ASIC2: variants seen among roughly 807,000 people sequenced by gnomAD.
ASIC2 encodes acid sensing ion channel subunit 2.
Under a neutral mutation model 57.3 loss-of-function variants are expected in ASIC2, and 25 were observed. The observed-to-expected ratio is 0.44, with a 90% CI of 0.32 to 0.61. ASIC2 has a LOEUF of 0.61. ASIC2 is among the 20% of genes least tolerant of loss of function. The pLI is 0.06. For synonymous variants in ASIC2, 319 were observed against 307.5 expected, an observed-to-expected ratio of 1.04 and a Z score of -0.39; for missense variants, 641 against 738.1, an observed-to-expected ratio of 0.87 and a Z score of 1.52.
chr17:33,584,686 G>T (rs1395913563), intron 1 of ASIC2, among the ~76,000 whole-genome samples: 1 of 111,116 alleles, frequency 9.0e-6, no homozygotes, highest in Non-Finnish European at 1.8e-5. Context: ...ATCTAAGTCA[G>T]ATCTTGGGGT....
intron 1 of ASIC2, among the ~76,000 whole-genome samples, chr17:33,819,812 C>T (rs1443273866): frequency 6.6e-6 from 1 of 152,178 alleles, no homozygotes; most frequent in African/African-American, 2.4e-5. Context: ...CACAATGACA[C>T]AGAACAGAAA....
chr17:33,799,134 A>T (rs1912004514), intron 1 of ASIC2, among the ~76,000 whole-genome samples: 1 of 152,152 alleles, frequency 6.6e-6, no homozygotes, highest in African/African-American at 2.4e-5. Flanking sequence ...CTTCTTTGTA[A>T]GTGGACTTGT....
At chr17:33,039,128 T>C (rs1408043799) in intron 3 of ASIC2, among the ~76,000 whole-genome samples, 2 of 152,184 alleles carry the variant, frequency 1.3e-5, no homozygotes, top group African/African-American at 4.8e-5. Context: ...CAGGGAGAGA[T>C]ATCCACCTGG....
At chr17:33,623,814 C>T (rs1307022126) in intron 1 of ASIC2, among the ~76,000 whole-genome samples, 1 of 151,996 alleles carries the variant, frequency 6.6e-6, no homozygotes, top group Admixed American at 6.6e-5. Flanking sequence ...AACTGAGGCT[C>T]ACAATCCTAG....
At chr17:33,900,762 G>A (rs1290791702) in intron 1 of ASIC2, among the ~76,000 whole-genome samples, 1 of 152,186 alleles carries the variant, frequency 6.6e-6, no homozygotes, top group Non-Finnish European at 1.5e-5. Context: ...GGGTATCTAG[G>A]GAAGAGGGTG....
intron 1 of ASIC2, among the ~76,000 whole-genome samples, chr17:33,535,309 G>T (rs1244593301): frequency 2.0e-5 from 3 of 148,822 alleles, no homozygotes; most frequent in African/African-American, 7.4e-5. Flanking sequence ...GTATCACTCA[G>T]TCGCCCAGGC....
intron 1 of ASIC2, among the ~76,000 whole-genome samples, chr17:33,882,837 T>A (rs1189893081): frequency 6.6e-6 from 1 of 152,126 alleles, no homozygotes; most frequent in Non-Finnish European, 1.5e-5. Context: ...CTATTCACAA[T>A]AGCAAAGACT....
At chr17:33,495,789 C>T (rs1222192728) in intron 1 of ASIC2, among the ~76,000 whole-genome samples, 1 of 152,142 alleles carries the variant, frequency 6.6e-6, no homozygotes, top group African/African-American at 2.4e-5. Flanking sequence ...GGAGCCAGGC[C>T]AGTGTAGAGA....
chr17:33,415,634 G>A (rs1910816999), intron 1 of ASIC2, among the ~76,000 whole-genome samples: 1 of 152,016 alleles, frequency 6.6e-6, no homozygotes. Context: ...AACATCCGGG[G>A]CCTCATATTA....
At chr17:33,810,874 T>TATACAC (rs1555563398) in intron 1 of ASIC2, among the ~76,000 whole-genome samples, 1 of 149,896 alleles carries the variant, frequency 6.7e-6, no homozygotes, top group Non-Finnish European at 1.5e-5. Flanking sequence ...CACACACACA[T>TATACAC]ACACACACAC....
Position 33,477,160 on chromosome 17 carries a change from T to G in ASIC2, c.556-365093A>C, listed in dbSNP as rs527267429. On this transcript the variant is annotated intron_variant, in intron 1 of 9. Coordinates refer to the ASIC2 transcript ENST00000359872. ...CTCCTTATTGAAGGACATTTAAACT[T>G]AAACATATATATACTCAGAATTGCT... 1.3e-4 allele frequency among the ~76,000 whole-genome samples: 20 copies of G among 152,288 alleles called. No individual in the cohort carries two copies. In the South Asian group the frequency reaches 3.1e-3, roughly 24 times the overall value.
At chr17:33,298,024 T>C (rs1003314906), upstream of ASIC2, among the ~76,000 whole-genome samples, 281 of 147,986 alleles carry the variant, frequency 1.9e-3, 3 homozygotes, top group African/African-American at 6.6e-3. Context: ...CCCTCTCCCC[T>C]CCTGTCTTTC....
chr17:33,576,989 T>C (rs1420523589), intron 1 of ASIC2, among the ~76,000 whole-genome samples: 3 of 152,260 alleles, frequency 2.0e-5, no homozygotes, highest in Non-Finnish European at 4.4e-5. Flanking sequence ...ACATATAGTA[T>C]GTTCTCATTA....
intron 1 of ASIC2, chr17:34,005,157 C>G (rs1395598276): frequency 6.6e-6 from 1 of 151,968 alleles, no homozygotes; most frequent in African/African-American, 2.4e-5. Flanking sequence ...TTCCAACATC[C>G]TTTACCTAAC....
At chr17:33,380,268 A>AAAAT (rs1909438523) in intron 1 of ASIC2, among the ~76,000 whole-genome samples, 1 of 137,838 alleles carries the variant, frequency 7.3e-6, no homozygotes, top group Non-Finnish European at 1.6e-5. Context: ...AAAAAAAAAA[A>AAAAT]GAAAGAAAGA....
At chr17:33,447,011 G>T (rs1745302330) in intron 1 of ASIC2, among the ~76,000 whole-genome samples, 1 of 152,156 alleles carries the variant, frequency 6.6e-6, no homozygotes, top group Non-Finnish European at 1.5e-5. Flanking sequence ...CCCCCATCCT[G>T]CCTGGCCCTT....
Position 33,270,747 on chromosome 17 carries a change from C to T in ASIC2, c.708+20661G>A, listed in dbSNP as rs191958089. ...GGCTGGATTGCCCAAATGAAATCTTCCCTTCCTAACCTGAGCCCTTCTGTA... is the reference window on the plus strand; with the variant it reads ...GGCTGGATTGCCCAAATGAAATCTTTCCTTCCTAACCTGAGCCCTTCTGTA... On this transcript the variant is annotated intron_variant, in intron 1 of 9. Transcript: ENST00000225823. 2.9e-3 allele frequency among the ~76,000 whole-genome samples: 441 copies of T among 152,352 alleles called. 1 individual carries two copies. Among genetic ancestry groups the T allele is most frequent in the South Asian group, 5.2e-3 (25 of 4,826 alleles).
At chr17:33,570,822 G>A (rs116096966) in intron 1 of ASIC2, among the ~76,000 whole-genome samples, 153 of 152,158 alleles carry the variant, frequency 1.0e-3, no homozygotes, top group African/African-American at 3.5e-3. Context: ...TCTCCATGTG[G>A]CATCTCATCC....
At chr17:33,243,832 T>G (rs1908598093) in intron 1 of ASIC2, among the ~76,000 whole-genome samples, 1 of 152,240 alleles carries the variant, frequency 6.6e-6, no homozygotes, top group Non-Finnish European at 1.5e-5. Flanking sequence ...TTCCAGCTTT[T>G]CCCTGATCAT....
Sources: gnomAD v4.1 joint callset for allele counts (sites outside exome capture counted in the v4.1 genomes callset) on GRCh38, gnomAD v4.1.1 for gene constraint, MANE v1.5 for transcripts, NCBI Gene and HGNC (gene_info 2026-07-23, HGNC 2026-07-21) for gene names.